The following FBXO32 variants were observed in gnomAD, a reference collection of about 807,000 sequenced individuals.
FBXO32 encodes the protein F-box only protein 32.
A neutral mutation model predicts 48.3 loss-of-function variants in FBXO32; 15 were observed. That is an observed-to-expected ratio of 0.31 (90% CI 0.21 to 0.48). The LOEUF (loss-of-function observed/expected upper bound fraction) is 0.48. FBXO32 is among the 20% of genes least tolerant of loss of function. FBXO32 has a pLI of 0.99. For synonymous variants in FBXO32, 154 were observed against 165.9 expected (o/e 0.93, Z 0.55); for missense variants, 309 against 432.7 (o/e 0.71, Z 2.54).
chr8:123,521,624 A>G (rs1816957321), intron 4 of FBXO32, among the ~76,000 whole-genome samples: 1 of 152,188 alleles, frequency 6.6e-6, no homozygotes, highest in African/African-American at 2.4e-5. Context: ...ACAAAACCAC[A>G]AGGCTGCTGC....
chr8:123,507,979 T>A (rs1371194046), intron 6 of FBXO32, among the ~76,000 whole-genome samples: 1 of 152,188 alleles, frequency 6.6e-6, no homozygotes, highest in Non-Finnish European at 1.5e-5. Flanking sequence ...TGCTGATGTG[T>A]CTTGAACAGC....
Position 123,502,357 on chromosome 8 carries a change from G to A in FBXO32, c.*1016C>T, listed in dbSNP as rs1011382032. On this transcript the variant is annotated 3_prime_UTR_variant, in exon 9 of 9. Transcript: ENST00000517956. ...ATATCCAAGGAAGGAAGTTCAGCAG[G>A]AATAAGGAAGTCTTCACAGCTATTG... is the stretch of plus-strand genomic sequence containing the variant. The A allele has an allele frequency of 1.3e-5, 2 of 152,222 alleles. No individual in the cohort carries two copies. Among genetic ancestry groups the A allele is most frequent in the Non-Finnish European group, 2.9e-5 (2 of 68,060 alleles). 9.4% of individuals were successfully genotyped at this position (152,222 alleles called of 1,614,324 possible).
chr8:123,500,012 T>C lies in FBXO32; in HGVS notation c.*3361A>G, dbSNP rs1357459943. On this transcript the variant is annotated 3_prime_UTR_variant, in exon 9 of 9. Coordinates refer to ENST00000517956, the MANE Select transcript of FBXO32 (RefSeq NM_058229.4). ...TAAACAAAAATCATCTCACAACTGA[T>C]ACATTGGGGATGCTTTCACCTAATA... 1 of 152,206 alleles carries C rather than the reference T, an allele frequency of 6.6e-6. No individual in the cohort carries two copies. The highest frequency in any genetic ancestry group is 1.5e-5 in the Non-Finnish European group (1 of 68,040). 9.4% of individuals were successfully genotyped at this position (152,206 alleles called of 1,614,324 possible). A position where few individuals can be genotyped will look rare whatever the true frequency, so the allele number is the denominator to read the frequency against.
intron 7 of FBXO32, 117 bp from the exon 8 acceptor site, chr8:123,504,864 A>G: frequency 1.1e-6 from 1 of 933,474 alleles, no homozygotes; most frequent in Non-Finnish European, 1.6e-6. Flanking sequence ...CAGCTCTACA[A>G]TAGCCAGGAA....
In FBXO32 at chr8:123,498,010, T is replaced by G. The variant is rs763336852; in HGVS notation, c.*5363A>C. 1.3e-5 allele frequency: 2 copies of G among 152,200 alleles called. No homozygotes were observed. Among genetic ancestry groups the G allele is most frequent in the Non-Finnish European group, 2.9e-5 (2 of 68,040 alleles). The allele number at this position is 152,200 out of a possible 1,614,324, so 9.4% of individuals were successfully genotyped here. The stretch of plus-strand genomic sequence containing the variant: ...CATGCAAGAAAAGTGTGCAAATAAT[T>G]TATACAGAAGGACTCAGCTCACACA... On this transcript the variant is annotated 3_prime_UTR_variant, in exon 9 of 9. Coordinates refer to ENST00000517956, the MANE Select transcript of FBXO32 (RefSeq NM_058229.4).
chr8:123,522,290 C>A (rs1431731226), intron 4 of FBXO32, among the ~76,000 whole-genome samples: 1 of 149,526 alleles, frequency 6.7e-6, no homozygotes, highest in Non-Finnish European at 1.5e-5. Flanking sequence ...CTCACTGCAA[C>A]CTCTGCCTTT....
rs532255284 is a variant in FBXO32, at chr8:123,540,825, C to G, written c.116+74G>C. 2.0e-5 allele frequency: 26 copies of G among 1,285,086 alleles called. No homozygotes were observed. The African/African-American group carries it at 3.6e-4, about 18-fold the overall frequency. The allele number at this position is 1,285,086 out of a possible 1,614,324, so 79.6% of individuals were successfully genotyped here. On this transcript the variant is annotated intron_variant, in intron 1 of 8. Transcript: ENST00000517956. The surrounding 1 kb of genome is among the most constrained non-coding windows in gnomAD (Gnocchi z 6.4). ...GCTCCAGCCCTGCCTGCCCCTCATT[C>G]GCCGTCCCTGCGCCCCCCAGACCAG...
Position 123,506,569 on chromosome 8 carries a change from G to A in FBXO32, c.657C>T (p.Ala219=), listed in dbSNP as rs2130502782. The change falls in exon 7 of 9, where the codon GCC becomes GCT. Residue 219 remains alanine (A), a synonymous_variant. Transcript: ENST00000517956. This position sits in a 1 kb window ranked among gnomAD's most constrained non-coding sequence, Gnocchi z 4.0. ...GGTCAGTGAAGGTGAGGCCTTTGAA[G>A]GCAGGCTGCAGAGAGAAGGGTGACA... ...QLNNIQITRP[A]FKGLTFTDLP... 1.3e-6 allele frequency: 2 copies of A among 1,590,788 alleles called. No homozygotes were observed. The highest frequency in any genetic ancestry group is 1.7e-6 in the Non-Finnish European group (2 of 1,164,374).
Position 123,506,169 on chromosome 8 carries a change from C to T in FBXO32, c.834+223G>A, listed in dbSNP as rs1816613677. On this transcript the variant is annotated intron_variant, in intron 7 of 8. Transcript: ENST00000517956. This position sits in a 1 kb window ranked among gnomAD's most constrained non-coding sequence, Gnocchi z 4.0. ...GCTTGAGCCCAAGTGGCTGAGGTTA[C>T]AGTGAGCTATGATTGCATCACTGCA... Among the ~76,000 whole-genome samples the T allele has an allele frequency of 6.6e-6, 1 of 152,198 alleles. No homozygotes were observed. The highest frequency in any genetic ancestry group is 1.5e-5 in the Non-Finnish European group (1 of 68,036).
Position 123,534,190 on chromosome 8 carries a change from A to G in FBXO32, c.229+512T>C, listed in dbSNP as rs1817267402. On this transcript the variant is annotated intron_variant, in intron 2 of 8. Coordinates refer to ENST00000517956, the MANE Select transcript of FBXO32 (RefSeq NM_058229.4). ...TTTAAATGCCAAACCTGAAACTTACATAAGTCCATGAAAATCAAACAGATA... is the reference window on the plus strand; with the variant it reads ...TTTAAATGCCAAACCTGAAACTTACGTAAGTCCATGAAAATCAAACAGATA... Among the ~76,000 whole-genome samples, 5 of 152,274 alleles carry G rather than the reference A, an allele frequency of 3.3e-5. No individual in the cohort carries two copies. In the South Asian group the frequency reaches 1.0e-3, roughly 32 times the overall value.
At chr8:123,533,165 A>G in intron 3 of FBXO32, 26 bp downstream of exon 3, 1 of 1,583,338 alleles carries the variant, frequency 6.3e-7, no homozygotes, top group Non-Finnish European at 8.7e-7. Flanking sequence ...GTTCAGTATA[A>G]CTTAGTAAAT....
intron 1 of FBXO32, among the ~76,000 whole-genome samples, chr8:123,537,927 C>T (rs1024153727): frequency 1.3e-5 from 2 of 151,730 alleles, no homozygotes; most frequent in African/African-American, 4.8e-5. Context: ...TGGGGGTGGG[C>T]GGTGAGGGGG....
intron 1 of FBXO32, among the ~76,000 whole-genome samples, chr8:123,537,704 C>T (rs567632384): frequency 3.9e-5 from 6 of 152,292 alleles, no homozygotes; most frequent in African/African-American, 1.4e-4. Flanking sequence ...AAACAAACAG[C>T]CTAGTGTATA....
At position 123,513,982 on chromosome 8, in the gene FBXO32, G is replaced by T. The variant is rs1816787187; in HGVS notation, c.466+258C>A. On this transcript the variant is annotated intron_variant, in intron 5 of 8. Coordinates refer to ENST00000517956, the MANE Select transcript of FBXO32 (RefSeq NM_058229.4). This position sits in a 1 kb window ranked among gnomAD's most constrained non-coding sequence, Gnocchi z 4.3. ...GTGTTGGGACCTGTGTCTACACTGA[G>T]AAGCCTACGAGGCTTATAGTAGGGC... is the stretch of plus-strand genomic sequence containing the variant. 1 of 397,442 alleles carries T rather than the reference G, an allele frequency of 2.5e-6. No individual in the cohort carries two copies. The highest frequency in any genetic ancestry group is 4.5e-6 in the Non-Finnish European group (1 of 223,912). 24.6% of individuals were successfully genotyped at this position (397,442 alleles called of 1,614,324 possible).
intron 3 of FBXO32, among the ~76,000 whole-genome samples, chr8:123,532,357 A>G (rs1299124372): frequency 6.6e-6 from 1 of 152,228 alleles, no homozygotes; most frequent in Non-Finnish European, 1.5e-5. Flanking sequence ...ATGGTTGGTG[A>G]CTGTAACGTA....
At position 123,531,998 on chromosome 8, in the gene FBXO32, T is replaced by C; in HGVS notation, c.280-8A>G. 2.5e-6 allele frequency: 4 copies of C among 1,613,840 alleles called. No homozygotes were observed. The highest frequency in any genetic ancestry group is 3.4e-6 in the Non-Finnish European group (4 of 1,179,926). On this transcript the variant is annotated splice_polypyrimidine_tract_variant and splice_region_variant and intron_variant, in intron 3 of 8. Coordinates refer to ENST00000517956, the MANE Select transcript of FBXO32 (RefSeq NM_058229.4). ...GGTGCAATATCCATGGCGCTGAACATGAAAACAAAGGCACAGAAGTTACTC... is the reference window on the plus strand; with the variant it reads ...GGTGCAATATCCATGGCGCTGAACACGAAAACAAAGGCACAGAAGTTACTC...
At chr8:123,539,643 G>A (rs1013159680) in intron 1 of FBXO32, among the ~76,000 whole-genome samples, 1 of 152,170 alleles carries the variant, frequency 6.6e-6, no homozygotes, top group East Asian at 1.9e-4. Context: ...GGAATTTGAT[G>A]CATTACAAAT....
Position 123,503,838 on chromosome 8 carries a change from G to A in FBXO32, c.979-376C>T, listed in dbSNP as rs183197795. ...CACACCTGTAATCCCAGCACTTTGG[G>A]AGGCCAAGGCAGGTGGATCACTCGA... On this transcript the variant is annotated intron_variant, in intron 8 of 8. Transcript: ENST00000517956. Among the ~76,000 whole-genome samples, 907 of 152,278 alleles carry A rather than the reference G, an allele frequency of 6.0e-3. 9 individuals are homozygous for A. Among genetic ancestry groups the A allele is most frequent in the Non-Finnish European group, 6.1e-3 (414 of 68,024 alleles).
intron 4 of FBXO32, among the ~76,000 whole-genome samples, chr8:123,522,035 G>A (rs778586805): frequency 1.3e-5 from 2 of 152,030 alleles, no homozygotes; most frequent in Non-Finnish European, 2.9e-5. Flanking sequence ...AAATTTCAGC[G>A]ACATTAATAA....
Sources: allele counts gnomAD v4.1 joint callset (sites outside exome capture counted in the v4.1 genomes callset), GRCh38; gene constraint gnomAD v4.1.1; non-coding constraint Gnocchi (gnomAD v3.1); transcripts MANE v1.5; gene names NCBI Gene and HGNC (gene_info 2026-07-23, HGNC 2026-07-21).